Variants in RYR3 observed in about 807,000 individuals in gnomAD.
The protein encoded by RYR3 is brain ryanodine receptor-calcium release channel.
RYR3 carries 207 observed loss-of-function variants against 584.3 expected under a neutral mutation model. That is an observed-to-expected ratio of 0.35 (90% CI 0.32 to 0.40). The LOEUF is 0.40. Among genes scored for constraint, RYR3 ranks in the 10% least tolerant of loss-of-function variants. RYR3 has a pLI of 1.00. For synonymous variants in RYR3, 2,416 were observed against 2,248.5 expected (o/e 1.07, Z -2.11); for missense variants, 5,616 against 6,089.2 (o/e 0.92, Z 2.59).
At chr15:33,722,998 T>G (rs765309603) in intron 44 of RYR3, 103 bp downstream of exon 44, 1 of 1,058,326 alleles carries the variant, frequency 9.4e-7, no homozygotes, top group African/African-American at 1.6e-5. Context: ...GCACATGTTC[T>G]TAACAGTTAC....
At chr15:33,444,925 C>T (rs766492171) in intron 1 of RYR3, among the ~76,000 whole-genome samples, 11 of 150,466 alleles carry the variant, frequency 7.3e-5, no homozygotes, top group East Asian at 5.8e-4. Flanking sequence ...AGCTGGAGTG[C>T]GCGGCCCCTG....
At chr15:33,603,431 G>A in intron 18 of RYR3, 67 bp downstream of exon 18, 2 of 1,476,008 alleles carry the variant, frequency 1.4e-6, no homozygotes, top group Non-Finnish European at 1.8e-6. Flanking sequence ...AATTATTCAA[G>A]CTGAAATGAC....
rs536693745 is a variant in RYR3 at position 33,380,953 on chromosome 15, C to T, written c.51+69857C>T. On this transcript the variant is annotated intron_variant, in intron 1 of 103. Coordinates refer to ENST00000634891, the MANE Select transcript of RYR3 (RefSeq NM_001036.6). ...GTTTATCACATCTGTGCTGTTCACT[C>T]ATGATTTTGGTCTTAGGATGTATGT... Among the ~76,000 whole-genome samples the T allele has an allele frequency of 2.1e-4, 32 of 152,306 alleles. 1 individual carries two copies. The highest frequency in any genetic ancestry group is 1.9e-3 in the Admixed American group (29 of 15,296).
At position 33,586,101 on chromosome 15, in the gene RYR3, C is replaced by A; in HGVS notation, c.1773C>A (p.His591Gln). 6.2e-7 allele frequency: 1 copy of A among 1,605,672 alleles called. No homozygotes were observed. Among genetic ancestry groups the A allele is most frequent in the Non-Finnish European group, 8.5e-7 (1 of 1,172,390 alleles). The change falls in exon 16 of 104, where the codon CAC becomes CAA. Residue 591 changes from histidine to glutamine, a missense_variant. Coordinates refer to ENST00000634891, the MANE Select transcript of RYR3 (RefSeq NM_001036.6). ...CGATCATCTCCCTGTTGGATAAGCA[C>A]GGGCGGAATCACAAGGTAGGTGTGG... ...IKSIISLLDK[H>Q]GRNHKVLDIL...
At chr15:33,824,954 G>T (rs1221936026) in intron 81 of RYR3, among the ~76,000 whole-genome samples, 1 of 152,154 alleles carries the variant, frequency 6.6e-6, no homozygotes, top group Non-Finnish European at 1.5e-5. Context: ...GTAAAATTTG[G>T]CAGTGGCTGT....
intron 1 of RYR3, among the ~76,000 whole-genome samples, chr15:33,405,628 G>A (rs530499892): frequency 2.6e-5 from 4 of 152,336 alleles, no homozygotes; most frequent in African/African-American, 9.6e-5. Context: ...ATACTTACAA[G>A]CAAGTAAGGC....
intron 1 of RYR3, among the ~76,000 whole-genome samples, chr15:33,435,145 A>C (rs1391082299): frequency 6.6e-6 from 1 of 151,096 alleles, no homozygotes; most frequent in East Asian, 1.9e-4. Context: ...TCAGGGGTAC[A>C]TGTGCAGGTT....
intron 16 of RYR3, among the ~76,000 whole-genome samples, chr15:33,592,389 T>C (rs2059173006): frequency 6.6e-6 from 1 of 152,184 alleles, no homozygotes; most frequent in African/African-American, 2.4e-5. Flanking sequence ...ATGGTAGCAC[T>C]ATTGCTGATG....
At chr15:33,355,763 G>A (rs1973884925) in intron 1 of RYR3, among the ~76,000 whole-genome samples, 1 of 152,264 alleles carries the variant, frequency 6.6e-6, no homozygotes, top group Admixed American at 6.5e-5. Flanking sequence ...TGATCCCCTA[G>A]CTAGGTATAA....
intron 60 of RYR3, 148 bp downstream of exon 60, chr15:33,757,744 T>C (rs2071992296): frequency 1.3e-6 from 1 of 798,638 alleles, no homozygotes; most frequent in Admixed American, 2.7e-5. Flanking sequence ...GAAACTATAT[T>C]CATACATATC....
At chr15:33,651,678 C>T (rs920335947) in intron 31 of RYR3, among the ~76,000 whole-genome samples, 1 of 152,210 alleles carries the variant, frequency 6.6e-6, no homozygotes, top group African/African-American at 2.4e-5. Flanking sequence ...ACTATCCCTG[C>T]CCCTATGTGG....
At chr15:33,746,858 G>C (rs897256867) in intron 53 of RYR3, among the ~76,000 whole-genome samples, 70 of 143,864 alleles carry the variant, frequency 4.9e-4, no homozygotes, top group Non-Finnish European at 9.1e-4. Context: ...ACTCAGTCTA[G>C]AGTGTAGTGG....
chr15:33,660,060 A>G, intron 33 of RYR3, 137 bp from the exon 34 acceptor site: 1 of 659,366 alleles, frequency 1.5e-6, no homozygotes, highest in Non-Finnish European at 2.7e-6. Flanking sequence ...ATGCTAATTA[A>G]TGCTGGTAAA....
chr15:33,558,040 A>C (rs1438197192), intron 10 of RYR3, among the ~76,000 whole-genome samples: 1 of 152,222 alleles, frequency 6.6e-6, no homozygotes, highest in East Asian at 1.9e-4. Flanking sequence ...AGTTTTAAGC[A>C]TCGTATGAAA....
chr15:33,725,153 T>TTA (rs2068255613), intron 45 of RYR3, among the ~76,000 whole-genome samples: 2 of 56,234 alleles, frequency 3.6e-5, no homozygotes, highest in Non-Finnish European at 6.8e-5. Flanking sequence ...CTCCAACACC[T>TTA]TACACACACA....
intron 1 of RYR3, among the ~76,000 whole-genome samples, chr15:33,434,177 C>T (rs1214216359): frequency 1.3e-5 from 2 of 152,128 alleles, no homozygotes; most frequent in African/African-American, 4.8e-5. Context: ...CTAAGTTGTG[C>T]CTGAGAGAGA....
At chr15:33,779,849 AT>A (rs1253563355) in intron 64 of RYR3, among the ~76,000 whole-genome samples, 1 of 139,542 alleles carries the variant, frequency 7.2e-6, no homozygotes, top group African/African-American at 2.5e-5. Flanking sequence ...AAAAAAAAAA[AT>A]AGAAAAAGAA....
rs188724802 is a variant in RYR3, at chr15:33,489,244, A to G, written c.172-14387A>G. On this transcript the variant is annotated intron_variant, in intron 2 of 103. Transcript: ENST00000634891. ...ACTTTTAAGTTCAGGGGTACACTTG[A>G]AGGTTTGTTACATAGGTAAACTTGT... is the stretch of plus-strand genomic sequence containing the variant. 2.0e-5 allele frequency among the ~76,000 whole-genome samples: 3 copies of G among 152,236 alleles called. No homozygotes were observed. In the East Asian group the frequency reaches 5.8e-4, roughly 29 times the overall value.
chr15:33,567,837 A>G (rs1482713558), intron 12 of RYR3, among the ~76,000 whole-genome samples: 4 of 152,240 alleles, frequency 2.6e-5, no homozygotes, highest in Non-Finnish European at 2.9e-5. Flanking sequence ...TAGGCCCTCC[A>G]GGTAATGCTG....
Sources: gnomAD v4.1 joint callset for allele counts (sites outside exome capture counted in the v4.1 genomes callset) on GRCh38, gnomAD v4.1.1 for gene constraint, MANE v1.5 for transcripts, NCBI Gene and HGNC (gene_info 2026-07-23, HGNC 2026-07-21) for gene names.